Variants in MARCHF3 observed in about 807,000 individuals in gnomAD.
MARCHF3 encodes membrane associated ring-CH-type finger 3.
A neutral mutation model predicts 24.2 loss-of-function variants in MARCHF3; 13 were observed. The observed-to-expected ratio is 0.54, with a 90% confidence interval of 0.35 to 0.85. The LOEUF (loss-of-function observed/expected upper bound fraction) is 0.85. Among genes scored for constraint, MARCHF3 ranks in the 40% least tolerant of loss-of-function variants. The pLI is 0.01. For missense variants in MARCHF3, 276 were observed against 325.0 expected, an observed-to-expected ratio of 0.85 and a Z score of 1.16; for synonymous variants, 144 against 137.3, an observed-to-expected ratio of 1.05 and a Z score of -0.34.
At chr5:127,016,105 C>T (rs1027245464) in intron 1 of MARCHF3, among the ~76,000 whole-genome samples, 4 of 152,102 alleles carry the variant, frequency 2.6e-5, no homozygotes, top group African/African-American at 4.8e-5. Flanking sequence ...TTAATCTCTA[C>T]TGTGCCTAAT....
chr5:126,915,533 A>C (rs1431070963), intron 2 of MARCHF3, among the ~76,000 whole-genome samples: 1 of 152,228 alleles, frequency 6.6e-6, no homozygotes, highest in African/African-American at 2.4e-5. Context: ...CCAAACCAAG[A>C]CATGTTTGCA....
chr5:126,935,021 A>C (rs1472222174), intron 1 of MARCHF3, among the ~76,000 whole-genome samples: 4 of 152,164 alleles, frequency 2.6e-5, no homozygotes, highest in Non-Finnish European at 4.4e-5. Flanking sequence ...CAGAAATATT[A>C]TTAGGTGATT....
chr5:126,878,275 C>G lies in MARCHF3; in HGVS notation c.513G>C (p.Val171=), dbSNP rs571733378. Reference sequence around the variant, plus strand: ...GCCGACTACTAAAGTGCAGGTGGTCCACGGCGCCCCGCAGGCACAGCCAGC... The same window carrying G: ...GCCGACTACTAAAGTGCAGGTGGTCGACGGCGCCCCGCAGGCACAGCCAGC... ...ISGWLCLRGA[V]DHLHFSSRLE... Residue 171 remains valine (V), a synonymous_variant, in exon 4 of 5, where the codon GTG becomes GTC. Coordinates refer to ENST00000308660, the MANE Select transcript of MARCHF3 (RefSeq NM_178450.5). 1.9e-6 allele frequency: 3 copies of G among 1,614,234 alleles called. No individual in the cohort carries two copies. In the East Asian group the frequency reaches 6.7e-5, roughly 36 times the overall value.
rs756193003 is a variant in MARCHF3, at chr5:126,870,770, G to T, written c.625C>A (p.Arg209=). The T allele has an allele frequency of 2.5e-6, 4 of 1,614,186 alleles. No homozygotes were observed. The South Asian group carries it at 4.4e-5, about 18-fold the overall frequency. Residue 209 remains arginine, a synonymous_variant, in exon 5 of 5, where the codon CGA becomes AGA. Transcript: ENST00000308660. ...WTLVSFRYHC[R]LYNEWRRTNQ... Reference sequence around the variant, plus strand: ...GTCCGACGCCACTCGTTGTACAATCGACAGTGGTACCTAAATGACACCTGG... The same window carrying T: ...GTCCGACGCCACTCGTTGTACAATCTACAGTGGTACCTAAATGACACCTGG...
At chr5:126,995,156 C>A (rs1021140665) in intron 1 of MARCHF3, among the ~76,000 whole-genome samples, 2 of 152,216 alleles carry the variant, frequency 1.3e-5, no homozygotes, top group Admixed American at 1.3e-4. Context: ...TACTTTGCAT[C>A]CTTCAATCTA....
chr5:126,955,753 CAG>C (rs1377819015), intron 1 of MARCHF3, among the ~76,000 whole-genome samples: 1 of 152,108 alleles, frequency 6.6e-6, no homozygotes, highest in Non-Finnish European at 1.5e-5. Context: ...TTTTCCAGTT[CAG>C]AGTTTGTCTT....
chr5:126,913,108 T>C (rs1361803885), intron 3 of MARCHF3, among the ~76,000 whole-genome samples: 3 of 152,228 alleles, frequency 2.0e-5, no homozygotes, highest in South Asian at 2.1e-4. Flanking sequence ...TCTCTGAGAC[T>C]GAGAGAGATC....
In MARCHF3 at chr5:126,875,616, T is replaced by C. The variant is rs1373910591; in HGVS notation, c.603+2569A>G. ...AGCACAGCATTTATCTGGGACGGAG[T>C]TATTCTATATTCAGTAACCTATTGC... On this transcript the variant is annotated intron_variant, in intron 4 of 4. Coordinates refer to ENST00000308660, the MANE Select transcript of MARCHF3 (RefSeq NM_178450.5). Among the ~76,000 whole-genome samples the C allele has an allele frequency of 7.9e-5, 12 of 152,138 alleles. No homozygotes were observed. In the South Asian group the frequency reaches 2.5e-3, roughly 32 times the overall value.
At chr5:126,992,825 G>T (rs147991074) in intron 1 of MARCHF3, among the ~76,000 whole-genome samples, 2 of 137,466 alleles carry the variant, frequency 1.5e-5, no homozygotes, top group Admixed American at 8.0e-5. Context: ...AGGCTGGAGT[G>T]CAGTGGCGCG....
At chr5:127,029,585 C>T (rs575641787) in intron 1 of MARCHF3, among the ~76,000 whole-genome samples, 2 of 152,256 alleles carry the variant, frequency 1.3e-5, no homozygotes, top group East Asian at 3.9e-4. Context: ...CAATTCCTGA[C>T]TCAACTTCAT....
chr5:126,896,111 G>T (rs1753897046), intron 3 of MARCHF3, among the ~76,000 whole-genome samples: 1 of 152,194 alleles, frequency 6.6e-6, no homozygotes, highest in African/African-American at 2.4e-5. Flanking sequence ...ACTCAGAAAG[G>T]GAACTCCCTG....
At chr5:126,906,574 A>C (rs576295646) in intron 3 of MARCHF3, among the ~76,000 whole-genome samples, 1 of 152,026 alleles carries the variant, frequency 6.6e-6, no homozygotes, top group African/African-American at 2.4e-5. Flanking sequence ...GAATTTATCA[A>C]TTTCTTCTAG....
intron 1 of MARCHF3, among the ~76,000 whole-genome samples, chr5:126,967,371 T>C (rs951700960): frequency 4.6e-5 from 7 of 152,084 alleles, no homozygotes; most frequent in African/African-American, 1.7e-4. Flanking sequence ...AATGAACCAC[T>C]ACATATTCAT....
chr5:127,010,940 G>C (rs959747733), intron 1 of MARCHF3, among the ~76,000 whole-genome samples: 1 of 152,114 alleles, frequency 6.6e-6, no homozygotes, highest in African/African-American at 2.4e-5. Flanking sequence ...TAGATGGATG[G>C]TGGTGATGGT....
intron 1 of MARCHF3, among the ~76,000 whole-genome samples, chr5:126,959,433 C>A (rs1267771203): frequency 6.6e-6 from 1 of 152,146 alleles, no homozygotes; most frequent in Non-Finnish European, 1.5e-5. Flanking sequence ...GTCTGAGAAA[C>A]TATCCCAGCC....
chr5:126,956,961 A>G (rs1398256396), intron 1 of MARCHF3, among the ~76,000 whole-genome samples: 1 of 152,202 alleles, frequency 6.6e-6, no homozygotes, highest in South Asian at 2.1e-4. Flanking sequence ...TATGTTGCCC[A>G]GGTTGGCCTG....
intron 3 of MARCHF3, among the ~76,000 whole-genome samples, chr5:126,896,503 A>T (rs1753922839): frequency 6.6e-6 from 1 of 152,118 alleles, no homozygotes. Flanking sequence ...TTTTAGCTTG[A>T]GTGATCCTGA....
chr5:126,924,122 ACAAT>A (rs1380867153), intron 1 of MARCHF3, among the ~76,000 whole-genome samples: 2 of 152,152 alleles, frequency 1.3e-5, no homozygotes, highest in Non-Finnish European at 1.5e-5. Flanking sequence ...GCACTTTTCC[ACAAT>A]CAATCATGCG....
intron 3 of MARCHF3, among the ~76,000 whole-genome samples, chr5:126,898,165 C>G (rs556830449): frequency 5.3e-5 from 8 of 152,024 alleles, no homozygotes; most frequent in Non-Finnish European, 1.0e-4. Context: ...TACAAAATAC[C>G]ATGAAATTGT....
Sources: gnomAD v4.1 joint callset for allele counts (sites outside exome capture counted in the v4.1 genomes callset) on GRCh38, gnomAD v4.1.1 for gene constraint, MANE v1.5 for transcripts, NCBI Gene and HGNC (gene_info 2026-07-23, HGNC 2026-07-21) for gene names.